Variants in ZNF335 observed in about 807,000 individuals in gnomAD.
ZNF335 encodes the protein NRC-interacting factor 1.
ZNF335 carries 84 observed loss-of-function variants against 145.6 expected under a neutral mutation model. The ratio of observed to expected loss-of-function variants is 0.58; its 90% CI spans 0.48 to 0.69. ZNF335 has a LOEUF of 0.69. Ranked by LOEUF, ZNF335 falls within the 30% of genes least tolerant of loss-of-function variation. ZNF335 has a pLI of 0.00. For synonymous variants in ZNF335, 761 were observed against 717.0 expected (o/e 1.06, Z -0.98); for missense variants, 1,865 against 1,809.7 (o/e 1.03, Z -0.55).
At chr20:45,971,131 A>T in intron 2 of ZNF335, 79 bp downstream of exon 2, 1 of 1,442,874 alleles carries the variant, frequency 6.9e-7, no homozygotes, top group Non-Finnish European at 9.1e-7. Flanking sequence ...GCTACAAACA[A>T]GCCTTGTTTC....
Position 45,959,324 on chromosome 20 carries a change from C to T in ZNF335, c.2130G>A (p.Arg710=), listed in dbSNP as rs372032128. 3.9e-5 allele frequency: 61 copies of T among 1,583,102 alleles called. No homozygotes were observed. Among genetic ancestry groups the T allele is most frequent in the Non-Finnish European group, 1.0e-5 (12 of 1,162,236 alleles). ...GGGAGGGGGGCTCCTCAGGGTGGCG[C>T]CTCCCCCATTCCTCGAAGCTGCTTG... The part of the protein sequence containing the change: ...RHASSFEEWG[R]RHPEEPPSRR... The change falls in exon 15 of 28, where the codon AGG becomes AGA. Residue 710 remains arginine, a synonymous_variant. Transcript: ENST00000322927.
chr20:45,969,893 G>A, intron 2 of ZNF335: 2 of 587,138 alleles, frequency 3.4e-6, no homozygotes, highest in South Asian at 5.5e-5. Context: ...CAGGGTCCCT[G>A]GATCTCATCA....
In ZNF335 at chr20:45,952,430, C is replaced by T; in HGVS notation, c.2906G>A (p.Arg969Lys). Residue 969 changes from arginine (R) to lysine (K), a missense_variant, in exon 20 of 28, where the codon AGA (arginine) becomes AAA (lysine). Coordinates refer to ENST00000322927, the MANE Select transcript of ZNF335 (RefSeq NM_022095.4). ...WPLLQCGGLP[R>K]DGPEPPSPAK... is the part of the protein sequence containing the mutation. The stretch of plus-strand genomic sequence containing the variant: ...TGGAGATGGGGGCTCAGGGCCGTCT[C>T]TGGGCAGTCCCCCACACTGCAGCAG... The T allele has an allele frequency of 6.4e-7, 1 of 1,572,954 alleles. No individual in the cohort carries two copies. The highest frequency in any genetic ancestry group is 8.6e-7 in the Non-Finnish European group (1 of 1,156,848).
In ZNF335 at chr20:45,971,059, A is replaced by C. The variant is rs186967043; in HGVS notation, c.201+151T>G. The C allele has an allele frequency of 1.2e-3, 1,578 of 1,296,874 alleles. 8 individuals are homozygous for C. The highest frequency in any genetic ancestry group is 0.012 in the Middle Eastern group (42 of 3,644). The allele number at this position is 1,296,874 out of a possible 1,614,324, so 80.3% of individuals were successfully genotyped here. On this transcript the variant is annotated intron_variant, in intron 2 of 27. Coordinates refer to ENST00000322927, the MANE Select transcript of ZNF335 (RefSeq NM_022095.4). ...AGAAGGTATGAAGCTCAAATGAGAAAATCCATTTTAGGGGTTTGGCTTGGT... is the reference window on the plus strand; with the variant it reads ...AGAAGGTATGAAGCTCAAATGAGAACATCCATTTTAGGGGTTTGGCTTGGT...
Position 45,952,153 on chromosome 20 carries a change from C to G in ZNF335, c.3183G>C (p.Glu1061Asp), listed in dbSNP as rs1600521486. ...AGGAGCAACCAGCACCTACCCGGACCTCGGGCCACTGGCGGGCACTGAAGG... is the reference window on the plus strand; with the variant it reads ...AGGAGCAACCAGCACCTACCCGGACGTCGGGCCACTGGCGGGCACTGAAGG... ...DCPFSARQWP[E>D]VRAHMAQHSS... The change falls in exon 20 of 28, where the codon GAG becomes GAC. Residue 1061 changes from glutamate to aspartate, a missense_variant. By Grantham distance (45) the Glu-to-Asp change is conservative (BLOSUM62 2). Coordinates refer to ENST00000322927, the MANE Select transcript of ZNF335 (RefSeq NM_022095.4). 6.3e-7 allele frequency: 1 copy of G among 1,598,842 alleles called. No homozygotes were observed. The highest frequency in any genetic ancestry group is 1.3e-5 in the African/African-American group (1 of 74,750).
chr20:45,956,051 G>C (rs1568812314), intron 17 of ZNF335, among the ~76,000 whole-genome samples: 1 of 152,050 alleles, frequency 6.6e-6, no homozygotes, highest in Non-Finnish European at 1.5e-5. Flanking sequence ...TGACGCTGAG[G>C]AGCAGCCAAT....
intron 17 of ZNF335, among the ~76,000 whole-genome samples, chr20:45,955,985 T>C (rs907321079): frequency 6.6e-6 from 1 of 152,080 alleles, no homozygotes; most frequent in African/African-American, 2.4e-5. Flanking sequence ...CTTAGGAGAA[T>C]AAGGGTAACT....
rs116077790 is a variant in ZNF335, at chr20:45,950,068, A to T, written c.3489T>A (p.Thr1163=). The stretch of plus-strand genomic sequence containing the variant: ...GGACCCCGTGACTGGACTGGAGTGC[A>T]GCTGGGCAGAGAGGAGAGGATGCTC... The part of the protein sequence containing the change: ...SDDETLATLH[T]ALQSSHGVLG... The change falls in exon 23 of 28, where the codon ACT becomes ACA. Residue 1163 remains threonine (T), a splice_region_variant and synonymous_variant. Coordinates refer to ENST00000322927, the MANE Select transcript of ZNF335 (RefSeq NM_022095.4). 1 of 1,613,518 alleles carries T rather than the reference A, an allele frequency of 6.2e-7. No homozygotes were observed. Among genetic ancestry groups the T allele is most frequent in the Non-Finnish European group, 8.5e-7 (1 of 1,179,798 alleles).
At chr20:45,961,516 A>G (rs2083843781) in intron 10 of ZNF335, 1 of 151,902 alleles carries the variant, frequency 6.6e-6, no homozygotes, top group Non-Finnish European at 1.5e-5. Flanking sequence ...CATTTAAAAA[A>G]AAGAAACCTT....
intron 2 of ZNF335, 100 bp from the exon 3 acceptor site, chr20:45,969,791 G>T: frequency 6.6e-7 from 1 of 1,509,476 alleles, no homozygotes; most frequent in Non-Finnish European, 8.9e-7. Context: ...TCAGGCCCAA[G>T]GACATGGTCA....
At position 45,963,694 on chromosome 20, in the gene ZNF335, G is replaced by T. The variant is rs762964658; in HGVS notation, c.1355+44C>A. On this transcript the variant is annotated intron_variant, in intron 8 of 27. Transcript: ENST00000322927. ...GCGGAAAGGTCTGGTGGGGTTGGTG[G>T]CTTAACCACATGCATGCCCCACCCT... The T allele has an allele frequency of 1.9e-6, 3 of 1,613,942 alleles. No homozygotes were observed. The South Asian group carries it at 3.3e-5, about 18-fold the overall frequency.
chr20:45,952,774 C>G lies in ZNF335; in HGVS notation c.2703-65G>C, dbSNP rs1029333407. On this transcript the variant is annotated intron_variant, in intron 18 of 27. Transcript: ENST00000322927. ...CACAGGAGCCCCCTTCCCCAAGCAACAGGCATCAACTGAGGAGTGACTGTC... is the reference window on the plus strand; with the variant it reads ...CACAGGAGCCCCCTTCCCCAAGCAAGAGGCATCAACTGAGGAGTGACTGTC... 20 of 1,453,574 alleles carry G rather than the reference C, an allele frequency of 1.4e-5. No individual in the cohort carries two copies. The Admixed American group carries it at 2.4e-4, about 18-fold the overall frequency. The allele number at this position is 1,453,574 out of a possible 1,614,324, so 90.0% of individuals were successfully genotyped here. A position where few individuals can be genotyped will look rare whatever the true frequency, so the allele number is the denominator to read the frequency against.
Position 45,948,892 on chromosome 20 carries a change from T to C in ZNF335, c.*61A>G, listed in dbSNP as rs1421876827. The C allele has an allele frequency of 6.2e-7, 1 of 1,608,658 alleles. No homozygotes were observed. Among genetic ancestry groups the C allele is most frequent in the African/African-American group, 1.3e-5 (1 of 74,858 alleles). ...AAATGAAGAGGGAGGTGAGTCCTGGTGGCCCCCTACCCCCAGGAGAGCTGG... is the reference window on the plus strand; with the variant it reads ...AAATGAAGAGGGAGGTGAGTCCTGGCGGCCCCCTACCCCCAGGAGAGCTGG... On this transcript the variant is annotated 3_prime_UTR_variant, in exon 28 of 28. Transcript: ENST00000322927.
chr20:45,967,743 A>G lies in ZNF335; in HGVS notation c.805T>C (p.Phe269Leu), dbSNP rs1361140316. The G allele has an allele frequency of 6.2e-7, 1 of 1,610,844 alleles. No individual in the cohort carries two copies. Among genetic ancestry groups the G allele is most frequent in the Non-Finnish European group, 8.5e-7 (1 of 1,178,218 alleles). The change falls in exon 5 of 28, where the codon TTC (phenylalanine) becomes CTC (leucine). Residue 269 changes from phenylalanine to leucine, a missense_variant. Physicochemically the swap from Phe to Leu is conservative, Grantham distance 22. Coordinates refer to ENST00000322927, the MANE Select transcript of ZNF335 (RefSeq NM_022095.4). ...TLLRHMRERH[F>L]RPVAAAAAAA... ...GCTGCTACTGACGCACCTGGACGGA[A>G]GTGGCGTTCCCGCATGTGGCGCAGC...
intron 1 of ZNF335, 139 bp downstream of exon 1, chr20:45,971,983 G>A: frequency 8.6e-7 from 1 of 1,167,068 alleles, no homozygotes; most frequent in Non-Finnish European, 1.1e-6. Flanking sequence ...AAGTGCGAGA[G>A]CGACTAAAGG....
chr20:45,965,331 T>A (rs1452724015), intron 7 of ZNF335, among the ~76,000 whole-genome samples: 10 of 152,032 alleles, frequency 6.6e-5, no homozygotes, highest in Admixed American at 6.6e-4. Flanking sequence ...CTCTTCTCAT[T>A]TCAGTAATAT....
Position 45,950,228 on chromosome 20 carries a change from T to C in ZNF335, c.3478A>G (p.Thr1160Ala). ...CCCAGGGGCAGCTCACTGTGCAGGG[T>C]GGCCAGTGTTTCGTCATCACTGTTC... ...ILNSDDETLA[T>A]LHTALQSSHG... Residue 1160 changes from threonine to alanine, a missense_variant, in exon 22 of 28, where the codon ACC becomes GCC. By Grantham distance (58) the Thr-to-Ala change is moderately conservative. Transcript: ENST00000322927. 1.3e-6 allele frequency: 2 copies of C among 1,548,170 alleles called. No homozygotes were observed. The highest frequency in any genetic ancestry group is 1.7e-6 in the Non-Finnish European group (2 of 1,147,052).
Position 45,953,865 on chromosome 20 carries a change from C to A in ZNF335, c.2526G>T (p.Gln842His). The A allele has an allele frequency of 6.2e-7, 1 of 1,613,954 alleles. No individual in the cohort carries two copies. Among genetic ancestry groups the A allele is most frequent in the Non-Finnish European group, 8.5e-7 (1 of 1,180,008 alleles). The change falls in exon 18 of 28, where the codon CAG becomes CAT. Residue 842 changes from glutamine (Q) to histidine (H), a missense_variant. Transcript: ENST00000322927. ...GQPSPEGATP[Q>H]VVTLHVAEPG... is the part of the protein sequence containing the mutation. ...GCTCTGCCACGTGGAGGGTGACCAC[C>A]TGTGGAGTGGCACCTTCAGGGGAGG...
intron 17 of ZNF335, among the ~76,000 whole-genome samples, chr20:45,955,441 G>A (rs900396808): frequency 5.3e-5 from 8 of 150,324 alleles, no homozygotes; most frequent in African/African-American, 1.5e-4. Flanking sequence ...TGGTGGCCAC[G>A]TATACTGGCG....
Sources: allele counts gnomAD v4.1 joint callset (sites outside exome capture counted in the v4.1 genomes callset), GRCh38; gene constraint gnomAD v4.1.1; transcripts MANE v1.5; gene names NCBI Gene and HGNC (gene_info 2026-07-23, HGNC 2026-07-21).